Variants in TMEM232 observed in about 807,000 individuals in gnomAD.
TMEM232 encodes transmembrane protein 232.
Under a neutral mutation model 78.8 loss-of-function variants are expected in TMEM232, and 80 were observed. The ratio of observed to expected loss-of-function variants is 1.01; its 90% CI spans 0.85 to 1.22. TMEM232 has a LOEUF of 1.22. Ranked by LOEUF, TMEM232 falls within the 50% of genes most tolerant of loss-of-function variation. The probability of loss-of-function intolerance (pLI) is 0.00; values close to 1 mark genes in which losing one functional copy is unlikely to be tolerated. For synonymous variants in TMEM232, 297 were observed against 254.3 expected, an observed-to-expected ratio of 1.17 and a Z score of -1.60; for missense variants, 881 against 742.2, an observed-to-expected ratio of 1.19 and a Z score of -2.17.
At chr5:110,600,892 C>T (rs1228308103) in intron 10 of TMEM232, among the ~76,000 whole-genome samples, 4 of 152,116 alleles carry the variant, frequency 2.6e-5, no homozygotes, top group Non-Finnish European at 5.9e-5. Context: ...TGATGAACAC[C>T]GATGTGAAAA....
rs371575399 is a variant in TMEM232, at chr5:110,671,500, A to G, written c.-12-4136T>C. On this transcript the variant is annotated intron_variant, in intron 1 of 13. Transcript: ENST00000455884. ...ATAGCACAGACTTGGAACCAACCCA[A>G]ATGCCCATCAATGATAGATTGGATA... Among the ~76,000 whole-genome samples, 46 of 152,312 alleles carry G rather than the reference A, an allele frequency of 3.0e-4. 1 individual carries two copies. The South Asian group carries it at 8.7e-3, about 29-fold the overall frequency.
intron 1 of TMEM232, among the ~76,000 whole-genome samples, chr5:110,702,757 C>T (rs1426760472): frequency 2.0e-5 from 3 of 151,984 alleles, no homozygotes; most frequent in African/African-American, 7.2e-5. Context: ...CAGGCTATGC[C>T]ATTGTGTCCC....
chr5:110,478,229 C>A (rs1411536279), intron 12 of TMEM232, among the ~76,000 whole-genome samples: 1 of 151,902 alleles, frequency 6.6e-6, no homozygotes, highest in Admixed American at 6.6e-5. Flanking sequence ...CTATGTAAAT[C>A]AATCTGATCA....
chr5:110,635,292 T>C (rs1785643433), intron 5 of TMEM232, among the ~76,000 whole-genome samples: 1 of 151,826 alleles, frequency 6.6e-6, no homozygotes, highest in African/African-American at 2.4e-5. Flanking sequence ...CTCAAACTAT[T>C]CCCAAAAGTA....
intron 6 of TMEM232, among the ~76,000 whole-genome samples, chr5:110,626,333 G>C (rs1490236393): frequency 6.6e-6 from 1 of 151,968 alleles, no homozygotes; most frequent in African/African-American, 2.4e-5. Flanking sequence ...GAGTTAAGAA[G>C]TAGTTCTATA....
chr5:110,423,170 T>C (rs1756857428), intron 13 of TMEM232, among the ~76,000 whole-genome samples: 1 of 152,190 alleles, frequency 6.6e-6, no homozygotes, highest in South Asian at 2.1e-4. Context: ...CTCCCACTTC[T>C]AATTCTGGTT....
At chr5:110,562,999 A>G (rs879612707) in intron 11 of TMEM232, among the ~76,000 whole-genome samples, 3 of 152,072 alleles carry the variant, frequency 2.0e-5, no homozygotes, top group Non-Finnish European at 4.4e-5. Flanking sequence ...AAGATATTCA[A>G]TGCAAATTAA....
intron 10 of TMEM232, among the ~76,000 whole-genome samples, chr5:110,600,623 G>T (rs190508989): frequency 8.4e-4 from 127 of 152,054 alleles, no homozygotes; most frequent in African/African-American, 2.9e-3. Flanking sequence ...GAAGAAGTTG[G>T]ATCTCTGAAG....
chr5:110,513,252 T>C (rs1266874556), intron 12 of TMEM232, among the ~76,000 whole-genome samples: 1 of 152,140 alleles, frequency 6.6e-6, no homozygotes, highest in Non-Finnish European at 1.5e-5. Context: ...AAGCTTCCAA[T>C]AGCACTTCAA....
At chr5:110,542,301 G>C (rs1333429771) in intron 11 of TMEM232, among the ~76,000 whole-genome samples, 2 of 151,996 alleles carry the variant, frequency 1.3e-5, no homozygotes, top group African/African-American at 4.8e-5. Context: ...CACTTCCTTT[G>C]TACTAACTAA....
chr5:110,540,134 C>T (rs926688618), intron 11 of TMEM232, among the ~76,000 whole-genome samples: 1 of 152,192 alleles, frequency 6.6e-6, no homozygotes, highest in African/African-American at 2.4e-5. Context: ...CCTAACTAAG[C>T]CCTTCTCCTT....
chr5:110,643,404 G>A (rs775276727), intron 2 of TMEM232, among the ~76,000 whole-genome samples: 1 of 151,948 alleles, frequency 6.6e-6, no homozygotes, highest in African/African-American at 2.4e-5. Context: ...AAAGTCTTAT[G>A]AATTAAATGG....
chr5:110,697,338 G>C (rs553443485), intron 1 of TMEM232, among the ~76,000 whole-genome samples: 1 of 152,042 alleles, frequency 6.6e-6, no homozygotes, highest in Non-Finnish European at 1.5e-5. Context: ...CTAAAACCAT[G>C]AAAACTCTAG....
chr5:110,691,230 TTTCCA>T (rs1794085722), intron 1 of TMEM232, among the ~76,000 whole-genome samples: 1 of 151,906 alleles, frequency 6.6e-6, no homozygotes, highest in South Asian at 2.1e-4. Context: ...ACAGGAAATA[TTTCCA>T]TTCCTATCAA....
At chr5:110,473,383 T>C (rs1157030316) in intron 12 of TMEM232, among the ~76,000 whole-genome samples, 2 of 151,664 alleles carry the variant, frequency 1.3e-5, no homozygotes, top group Non-Finnish European at 3.0e-5. Context: ...CAGTGAGATA[T>C]CACCGCCCTC....
chr5:110,552,285 T>G (rs1207555333), intron 11 of TMEM232, among the ~76,000 whole-genome samples: 3 of 151,960 alleles, frequency 2.0e-5, no homozygotes, highest in Non-Finnish European at 4.4e-5. Flanking sequence ...TATTACTAAC[T>G]AATAGAGGAA....
chr5:110,617,006 C>T (rs560949239), intron 8 of TMEM232, among the ~76,000 whole-genome samples: 7 of 152,178 alleles, frequency 4.6e-5, no homozygotes, highest in African/African-American at 1.4e-4. Context: ...TCACAATAGC[C>T]AAGATGTGTA....
intron 1 of TMEM232, among the ~76,000 whole-genome samples, chr5:110,699,972 C>T (rs934194004): frequency 6.6e-6 from 1 of 152,036 alleles, no homozygotes; most frequent in African/African-American, 2.4e-5. Context: ...ACTTATGAAC[C>T]TGACTATTGA....
At chr5:110,683,987 A>AT in intron 1 of TMEM232, among the ~76,000 whole-genome samples, 1 of 152,058 alleles carries the variant, frequency 6.6e-6, no homozygotes, top group Admixed American at 6.6e-5. Context: ...GCCAAAGAAT[A>AT]ATTCCATTAA....
Sources: allele counts gnomAD v4.1 joint callset (sites outside exome capture counted in the v4.1 genomes callset), GRCh38; gene constraint gnomAD v4.1.1; transcripts MANE v1.5; gene names NCBI Gene and HGNC (gene_info 2026-07-23, HGNC 2026-07-21).